The following PCSK2 variants were observed in gnomAD, a reference collection of about 807,000 sequenced individuals.
PCSK2 encodes the protein neuroendocrine convertase 2.
PCSK2 carries 14 observed loss-of-function variants against 69.7 expected under a neutral mutation model. That is an observed-to-expected ratio of 0.20 (90% CI 0.13 to 0.31). The LOEUF (loss-of-function observed/expected upper bound fraction) is 0.31, where lower values mean the gene tolerates loss of function less well. PCSK2 is among the 10% of genes least tolerant of loss of function. The pLI, the probability that PCSK2 is intolerant of heterozygous loss-of-function variation, is 1.00. For synonymous variants in PCSK2, 307 were observed against 320.7 expected (o/e 0.96, Z 0.46); for missense variants, 544 against 842.5 (o/e 0.65, Z 4.39).
At chr20:17,403,437 T>C (rs1223695290) in intron 5 of PCSK2, among the ~76,000 whole-genome samples, 1 of 152,234 alleles carries the variant, frequency 6.6e-6, no homozygotes, top group Non-Finnish European at 1.5e-5. Flanking sequence ...GTGGCCATAT[T>C]AGACGCAAGT....
intron 2 of PCSK2, among the ~76,000 whole-genome samples, chr20:17,348,071 G>GAAAT (rs1990742825): frequency 7.3e-6 from 1 of 136,660 alleles, no homozygotes; most frequent in Non-Finnish European, 1.6e-5. Context: ...AAGAAAGAAA[G>GAAAT]AAAGAAAGAA....
At chr20:17,365,829 C>T (rs1205710164) in intron 4 of PCSK2, among the ~76,000 whole-genome samples, 1 of 152,210 alleles carries the variant, frequency 6.6e-6, no homozygotes, top group Non-Finnish European at 1.5e-5. Flanking sequence ...GACTCTATGT[C>T]CCACCTTCTG....
At chr20:17,478,246 ATAT>A (rs1600612716) in intron 11 of PCSK2, among the ~76,000 whole-genome samples, 1 of 151,878 alleles carries the variant, frequency 6.6e-6, no homozygotes, top group East Asian at 1.9e-4. Context: ...CCTTCCCCAA[ATAT>A]TAATACTTGT....
intron 6 of PCSK2, among the ~76,000 whole-genome samples, chr20:17,412,135 G>A (rs1180166978): frequency 6.6e-6 from 1 of 152,186 alleles, no homozygotes; most frequent in Non-Finnish European, 1.5e-5. Context: ...CCAAAGGACC[G>A]CAGCTCCTCG....
At chr20:17,254,683 T>C (rs950166534) in intron 1 of PCSK2, among the ~76,000 whole-genome samples, 2 of 152,222 alleles carry the variant, frequency 1.3e-5, no homozygotes, top group Non-Finnish European at 2.9e-5. Flanking sequence ...TGGCTATTCT[T>C]GGTCTCTTGA....
chr20:17,326,314 A>G (rs1990051076), intron 2 of PCSK2, among the ~76,000 whole-genome samples: 1 of 152,242 alleles, frequency 6.6e-6, no homozygotes, highest in Admixed American at 6.5e-5. Context: ...AGTACTTGTC[A>G]AAACTGTCAA....
At position 17,436,864 on chromosome 20, in the gene PCSK2, T is replaced by C; in HGVS notation, c.866T>C (p.Met289Thr). 6.2e-7 allele frequency: 1 copy of C among 1,611,984 alleles called. No homozygotes were observed. The highest frequency in any genetic ancestry group is 8.5e-7 in the Non-Finnish European group (1 of 1,179,274). The change falls in exon 8 of 12, where the codon ATG becomes ACG. Residue 289 changes from methionine to threonine, a missense_variant. This residue lies in a region of PCSK2 where 187 missense variants were observed against 399.8 expected (regional missense o/e 0.47). Coordinates refer to ENST00000262545, the MANE Select transcript of PCSK2 (RefSeq NM_002594.5). ...DGPRELTLQA[M>T]ADGVNKGRGG... Reference sequence around the variant, plus strand: ...CCCCGGGAGCTCACGCTGCAGGCCATGGCCGATGGCGTGAACAAGGTAAGG... The same window carrying C: ...CCCCGGGAGCTCACGCTGCAGGCCACGGCCGATGGCGTGAACAAGGTAAGG...
chr20:17,325,964 A>C (rs1990038194), intron 2 of PCSK2, among the ~76,000 whole-genome samples: 1 of 152,280 alleles, frequency 6.6e-6, no homozygotes, highest in Non-Finnish European at 1.5e-5. Context: ...GGCCTAGCCC[A>C]GGCATATTCC....
rs1356755800 is a variant in PCSK2, at chr20:17,279,783, G to A, written c.282+19439G>A. Reference sequence around the variant, plus strand: ...GCCTGGGCAACAGGAGCGAAACTCCGTCTCAAAAAAAAAAAAAAAAAAAGT... The same window carrying A: ...GCCTGGGCAACAGGAGCGAAACTCCATCTCAAAAAAAAAAAAAAAAAAAGT... On this transcript the variant is annotated intron_variant, in intron 2 of 11. Transcript: ENST00000262545. Among the ~76,000 whole-genome samples the A allele has an allele frequency of 1.5e-4, 20 of 130,428 alleles. No homozygotes were observed. In the East Asian group the frequency reaches 1.6e-3, roughly 10 times the overall value. The allele number at this position is 130,428 out of a possible 152,430, so 85.6% of individuals were successfully genotyped here.
chr20:17,394,866 A>G lies in PCSK2; in HGVS notation c.544-14397A>G, dbSNP rs73257678. 4.6e-3 allele frequency among the ~76,000 whole-genome samples: 702 copies of G among 152,348 alleles called. 13 individuals are homozygous for G. The highest frequency in any genetic ancestry group is 0.016 in the African/African-American group (665 of 41,584). ...GGATTCCCATCCCAAATGCTGTCCA[A>G]GTTTTTTGGCTTCAAAACCAATTAA... On this transcript the variant is annotated intron_variant, in intron 5 of 11. Coordinates refer to ENST00000262545, the MANE Select transcript of PCSK2 (RefSeq NM_002594.5).
At chr20:17,281,309 A>G (rs1361510) in intron 2 of PCSK2, among the ~76,000 whole-genome samples, 140,723 of 152,232 alleles carry the variant, frequency 0.92, 65,073 homozygotes, top group Middle Eastern at 0.95. Context: ...CTTTTTATCT[A>G]AACACTTCTC....
intron 11 of PCSK2, among the ~76,000 whole-genome samples, chr20:17,477,586 C>T (rs1332323204): frequency 6.6e-6 from 1 of 152,110 alleles, no homozygotes; most frequent in Admixed American, 6.6e-5. Context: ...AAGATCACTG[C>T]GTTGAACTCC....
chr20:17,344,128 T>A (rs1179279972), intron 2 of PCSK2, among the ~76,000 whole-genome samples: 1 of 152,236 alleles, frequency 6.6e-6, no homozygotes, highest in Non-Finnish European at 1.5e-5. Flanking sequence ...TTTTCATTTG[T>A]TCCGCATCAC....
intron 11 of PCSK2, among the ~76,000 whole-genome samples, chr20:17,470,653 ATC>A: frequency 6.6e-6 from 1 of 152,288 alleles, no homozygotes; most frequent in South Asian, 2.1e-4. Context: ...TTATTCCACT[ATC>A]TCATTTAATC....
chr20:17,360,703 A>G, intron 4 of PCSK2, 63 bp downstream of exon 4: 1 of 978,352 alleles, frequency 1.0e-6, no homozygotes, highest in South Asian at 1.4e-5. Context: ...CCTTTTGATA[A>G]AAGTTGTATT....
intron 1 of PCSK2, among the ~76,000 whole-genome samples, chr20:17,241,361 C>A (rs1404402648): frequency 6.6e-6 from 1 of 152,138 alleles, no homozygotes; most frequent in African/African-American, 2.4e-5. Flanking sequence ...AGTTCATGAC[C>A]AGTCACCCAT....
At chr20:17,367,123 C>T (rs2030617560) in intron 4 of PCSK2, among the ~76,000 whole-genome samples, 2 of 151,480 alleles carry the variant, frequency 1.3e-5, no homozygotes, top group South Asian at 4.2e-4. Context: ...TATTTTTGAT[C>T]ATTTATATTT....
intron 1 of PCSK2, among the ~76,000 whole-genome samples, chr20:17,255,344 A>ATTTT (rs775400787): frequency 6.9e-6 from 1 of 143,888 alleles, no homozygotes; most frequent in African/African-American, 2.5e-5. Context: ...TTCATTCCTA[A>ATTTT]TTTTTTTTTT....
chr20:17,285,627 C>A (rs772001038), intron 2 of PCSK2, among the ~76,000 whole-genome samples: 1 of 152,226 alleles, frequency 6.6e-6, no homozygotes, highest in African/African-American at 2.4e-5. Flanking sequence ...GCTCCTGCTG[C>A]AGGCAACTGC....
Sources: gnomAD v4.1 joint callset for allele counts (sites outside exome capture counted in the v4.1 genomes callset) on GRCh38, gnomAD v4.1.1 for gene constraint, gnomAD v4.1.1 regional missense constraint, MANE v1.5 for transcripts, NCBI Gene and HGNC (gene_info 2026-07-23, HGNC 2026-07-21) for gene names.